The following PRKACB variants were observed in gnomAD, a reference collection of about 807,000 sequenced individuals.
PRKACB encodes protein kinase cAMP-activated catalytic subunit beta.
PRKACB carries 16 observed loss-of-function variants against 51.4 expected under a neutral mutation model. The observed-to-expected ratio is 0.31, with a 90% CI of 0.21 to 0.47. PRKACB has a LOEUF of 0.47. PRKACB is among the 20% of genes least tolerant of loss of function. The pLI is 1.00. For missense variants in PRKACB, 309 were observed against 464.5 expected, an observed-to-expected ratio of 0.67 and a Z score of 3.08; for synonymous variants, 147 against 154.4, an observed-to-expected ratio of 0.95 and a Z score of 0.35.
At chr1:84,180,206 A>ATATGTATG (rs1553173786) in intron 2 of PRKACB, among the ~76,000 whole-genome samples, 1 of 127,138 alleles carries the variant, frequency 7.9e-6, no homozygotes, top group African/African-American at 2.8e-5. Context: ...ATATATATAT[A>ATATGTATG]TATGTATGAT....
intron 1 of PRKACB, 150 bp downstream of exon 1, chr1:84,144,698 A>G: frequency 1.2e-6 from 1 of 831,400 alleles, no homozygotes; most frequent in South Asian, 2.0e-5. Context: ...GAATTCCATA[A>G]AAACTTGATT....
At chr1:84,118,332 GTTC>G (rs1650795853) in intron 1 of PRKACB, among the ~76,000 whole-genome samples, 1 of 152,068 alleles carries the variant, frequency 6.6e-6, no homozygotes, top group Admixed American at 6.6e-5. Context: ...CATAATTGTG[GTTC>G]TTCTTTCTGG....
At chr1:84,208,514 A>G (rs1671678035) in intron 8 of PRKACB, among the ~76,000 whole-genome samples, 1 of 152,192 alleles carries the variant, frequency 6.6e-6, no homozygotes, top group Non-Finnish European at 1.5e-5. Context: ...TGTTTATTCT[A>G]TAAATTAACA....
intron 1 of PRKACB, among the ~76,000 whole-genome samples, chr1:84,088,049 G>A (rs574509690): frequency 6.6e-6 from 1 of 152,250 alleles, no homozygotes; most frequent in African/African-American, 2.4e-5. Flanking sequence ...ATTAGATTCA[G>A]TAATGCTATG....
At chr1:84,098,494 TAGAAAG>T (rs1309083606) in intron 1 of PRKACB, among the ~76,000 whole-genome samples, 1 of 151,984 alleles carries the variant, frequency 6.6e-6, no homozygotes, top group African/African-American at 2.4e-5. Context: ...CTCAGAGCAG[TAGAAAG>T]CAATATTATC....
chr1:84,185,416 T>C (rs1321819089), intron 5 of PRKACB, among the ~76,000 whole-genome samples: 4 of 151,798 alleles, frequency 2.6e-5, no homozygotes, highest in African/African-American at 9.7e-5. Context: ...TACTGCTAGA[T>C]ATTGTGAGGG....
chr1:84,218,102 A>G (rs1351809287), intron 9 of PRKACB, among the ~76,000 whole-genome samples: 4 of 152,214 alleles, frequency 2.6e-5, no homozygotes, highest in African/African-American at 7.2e-5. Context: ...AAAGCTGGGT[A>G]TTTAGCATAT....
At chr1:84,170,288 C>A (rs1659004840) in intron 1 of PRKACB, among the ~76,000 whole-genome samples, 1 of 151,694 alleles carries the variant, frequency 6.6e-6, no homozygotes, top group Middle Eastern at 3.4e-3. Flanking sequence ...AGGATCATAA[C>A]CTCAGTGAAA....
chr1:84,214,425 G>A, intron 9 of PRKACB, 108 bp downstream of exon 9: 5 of 1,077,740 alleles, frequency 4.6e-6, no homozygotes, highest in Non-Finnish European at 6.4e-6. Context: ...TTTACCTTTT[G>A]AATTAATCTT....
chr1:84,182,136 G>A (rs1663711813), intron 2 of PRKACB, 64 bp from the exon 3 acceptor site: 10 of 1,163,932 alleles, frequency 8.6e-6, no homozygotes, highest in South Asian at 7.0e-5. Context: ...TATTATTAAA[G>A]CATTTATAAT....
At chr1:84,091,656 C>G (rs978674408) in intron 1 of PRKACB, among the ~76,000 whole-genome samples, 1 of 151,890 alleles carries the variant, frequency 6.6e-6, no homozygotes, top group Non-Finnish European at 1.5e-5. Context: ...AGGTGTGTGC[C>G]GCCCTGCCTG....
chr1:84,081,588 C>T (rs11163898), intron 1 of PRKACB, among the ~76,000 whole-genome samples: 61,683 of 151,170 alleles, frequency 0.41, 13,244 homozygotes, highest in Non-Finnish European at 0.49. Flanking sequence ...TGATAAAATT[C>T]TCAGAGAAGT....
At chr1:84,138,853 T>A (rs1373014304) in intron 1 of PRKACB, among the ~76,000 whole-genome samples, 17 of 152,158 alleles carry the variant, frequency 1.1e-4, no homozygotes, top group Admixed American at 1.0e-3. Context: ...AGGGGTTCAT[T>A]CTGATAATTC....
intron 1 of PRKACB, among the ~76,000 whole-genome samples, chr1:84,176,210 A>G: frequency 6.6e-6 from 1 of 151,852 alleles, no homozygotes; most frequent in East Asian, 1.9e-4. Context: ...ACTTCAAACT[A>G]TATGCTTTAT....
At chr1:84,149,076 G>T (rs952191558) in intron 1 of PRKACB, among the ~76,000 whole-genome samples, 1 of 151,958 alleles carries the variant, frequency 6.6e-6, no homozygotes, top group Admixed American at 6.6e-5. Context: ...GGTGTGAGAA[G>T]CACTTTTTCC....
intron 1 of PRKACB, among the ~76,000 whole-genome samples, chr1:84,168,379 T>C (rs1658227975): frequency 6.6e-6 from 1 of 151,616 alleles, no homozygotes; most frequent in Admixed American, 6.6e-5. Context: ...AAAGTTTATG[T>C]GCTCTCCTAG....
intron 2 of PRKACB, chr1:84,181,694 A>C (rs1292564948): frequency 1.3e-6 from 2 of 1,524,516 alleles, no homozygotes; most frequent in Admixed American, 2.0e-5. Context: ...AGCTTATATA[A>C]AGACAGAAAT....
chr1:84,103,790 C>G (rs1182525361), intron 1 of PRKACB, among the ~76,000 whole-genome samples: 1 of 152,160 alleles, frequency 6.6e-6, no homozygotes, highest in Non-Finnish European at 1.5e-5. Context: ...TATCACCTGC[C>G]CAACCTCACA....
At chr1:84,134,129 G>A (rs149398951) in intron 1 of PRKACB, among the ~76,000 whole-genome samples, 2,050 of 152,298 alleles carry the variant, frequency 0.013, 52 homozygotes, top group East Asian at 0.074. Context: ...TTCCTCTGAA[G>A]TCAAGCTGCT....
Sources: allele counts gnomAD v4.1 joint callset (sites outside exome capture counted in the v4.1 genomes callset), GRCh38; gene constraint gnomAD v4.1.1; transcripts MANE v1.5; gene names NCBI Gene and HGNC (gene_info 2026-07-23, HGNC 2026-07-21).